Variants in SPATA17 observed in about 807,000 individuals in gnomAD.
SPATA17 encodes spermatogenesis-associated protein 17.
A neutral mutation model predicts 62.2 loss-of-function variants in SPATA17; 53 were observed. That is an observed-to-expected ratio of 0.85 (90% CI 0.68 to 1.07). The LOEUF is 1.07. Among genes scored for constraint, SPATA17 ranks in the 50% least tolerant of loss-of-function variants. The probability of loss-of-function intolerance (pLI) is 0.00; values close to 1 mark genes in which losing one functional copy is unlikely to be tolerated. For synonymous variants in SPATA17, 146 were observed against 146.8 expected (o/e 0.99, Z 0.04); for missense variants, 466 against 425.5 (o/e 1.10, Z -0.84).
chr1:217,840,662 A>G (rs112618826), intron 9 of SPATA17, among the ~76,000 whole-genome samples: 1 of 151,894 alleles, frequency 6.6e-6, no homozygotes, highest in East Asian at 1.9e-4. Flanking sequence ...GTTAGAGACC[A>G]GGCCTGGGCA....
intron 5 of SPATA17, among the ~76,000 whole-genome samples, chr1:217,724,710 T>G (rs1571759918): frequency 6.6e-6 from 1 of 152,212 alleles, no homozygotes; most frequent in Non-Finnish European, 1.5e-5. Flanking sequence ...TAATAATTTC[T>G]AATCTAATAA....
At chr1:217,748,128 C>A (rs1204215805) in intron 6 of SPATA17, among the ~76,000 whole-genome samples, 2 of 151,544 alleles carry the variant, frequency 1.3e-5, no homozygotes, top group Non-Finnish European at 1.5e-5. Flanking sequence ...ACAGTGAAAC[C>A]CCGTCTCTAC....
At chr1:217,679,189 G>T (rs1465218394) in intron 4 of SPATA17, among the ~76,000 whole-genome samples, 1 of 151,998 alleles carries the variant, frequency 6.6e-6, no homozygotes, top group Non-Finnish European at 1.5e-5. Flanking sequence ...TTAAACTAAA[G>T]AACACGCATA....
intron 6 of SPATA17, among the ~76,000 whole-genome samples, chr1:217,760,141 T>C (rs1249801502): frequency 6.6e-6 from 1 of 152,234 alleles, no homozygotes; most frequent in Non-Finnish European, 1.5e-5. Flanking sequence ...ATTTTTGCTC[T>C]AATTACTTTG....
intron 10 of SPATA17, among the ~76,000 whole-genome samples, chr1:217,864,758 C>T (rs899935508): frequency 2.0e-5 from 3 of 152,048 alleles, no homozygotes; most frequent in Non-Finnish European, 2.9e-5. Flanking sequence ...GTTTGCTCTA[C>T]TCTATCAATT....
intron 1 of SPATA17, among the ~76,000 whole-genome samples, chr1:217,644,800 G>T (rs1046893912): frequency 6.6e-6 from 1 of 151,578 alleles, no homozygotes; most frequent in African/African-American, 2.4e-5. Flanking sequence ...TAATACTTTT[G>T]GTCTTTCATC....
chr1:217,705,961 A>G (rs973019309), intron 5 of SPATA17, among the ~76,000 whole-genome samples: 1 of 152,192 alleles, frequency 6.6e-6, no homozygotes, highest in Non-Finnish European at 1.5e-5. Context: ...CAGTTATTCC[A>G]GCACCATTTA....
chr1:217,718,133 A>C (rs944906530), intron 5 of SPATA17, among the ~76,000 whole-genome samples: 1 of 152,246 alleles, frequency 6.6e-6, no homozygotes, highest in Admixed American at 6.5e-5. Context: ...ACATCTAAGC[A>C]TTAAAGAGCT....
rs568915377 is a variant in SPATA17, at chr1:217,869,829, G to A, written c.*2810G>A. 6 of 151,468 alleles carry A rather than the reference G, an allele frequency of 4.0e-5. No individual in the cohort carries two copies. The East Asian group carries it at 1.2e-3, about 30-fold the overall frequency. The allele number at this position is 151,468 out of a possible 1,614,324, so 9.4% of individuals were successfully genotyped here. The stretch of plus-strand genomic sequence containing the variant: ...ACTTTGGAATACCCTTGGCCAAGAA[G>A]AGGGGTCCATGCAGATGTTTGGAGG... On this transcript the variant is annotated 3_prime_UTR_variant, in exon 11 of 11. Coordinates refer to ENST00000366933, the MANE Select transcript of SPATA17 (RefSeq NM_138796.4).
At chr1:217,854,433 C>T (rs1445763843) in intron 9 of SPATA17, among the ~76,000 whole-genome samples, 1 of 152,042 alleles carries the variant, frequency 6.6e-6, no homozygotes, top group Non-Finnish European at 1.5e-5. Flanking sequence ...TAAATCTAGG[C>T]ATTATCTTCC....
chr1:217,696,234 C>T (rs1227663393), intron 5 of SPATA17, among the ~76,000 whole-genome samples: 5 of 152,164 alleles, frequency 3.3e-5, no homozygotes, highest in Admixed American at 1.3e-4. Flanking sequence ...GCGCAATATT[C>T]GGGTGGGAGT....
intron 7 of SPATA17, among the ~76,000 whole-genome samples, chr1:217,779,111 A>G (rs1168915463): frequency 6.6e-6 from 1 of 151,312 alleles, no homozygotes; most frequent in Non-Finnish European, 1.5e-5. Context: ...TATAAGTATA[A>G]AAATAGAAAA....
intron 5 of SPATA17, among the ~76,000 whole-genome samples, chr1:217,727,487 A>G (rs1672295170): frequency 6.6e-6 from 1 of 151,930 alleles, no homozygotes; most frequent in South Asian, 2.1e-4. Context: ...ATAAGATTGT[A>G]TGTTGTAAAT....
At chr1:217,740,208 G>A (rs970336472) in intron 5 of SPATA17, among the ~76,000 whole-genome samples, 1 of 147,850 alleles carries the variant, frequency 6.8e-6, no homozygotes, top group Non-Finnish European at 1.5e-5. Flanking sequence ...ATTATTTATA[G>A]AGCAGAAACT....
intron 4 of SPATA17, among the ~76,000 whole-genome samples, chr1:217,674,588 G>T (rs1327357620): frequency 6.6e-6 from 1 of 152,234 alleles, no homozygotes; most frequent in African/African-American, 2.4e-5. Flanking sequence ...AGCCACTCTA[G>T]GTGTGTTGCC....
At position 217,712,128 on chromosome 1, in the gene SPATA17, C is replaced by CTTTTTTTTTTTTTTTTTTTTT. The variant is rs551988828; in HGVS notation, c.395+28771_395+28772insTTTTTTTTTTTTTTTTTTTTT. Among the ~76,000 whole-genome samples the CTTTTTTTTTTTTTTTTTTTTT allele has an allele frequency of 1.4e-4, 19 of 134,132 alleles. 2 individuals carry two copies. Among genetic ancestry groups the CTTTTTTTTTTTTTTTTTTTTT allele is most frequent in the African/African-American group, 3.4e-4 (12 of 34,990 alleles). 88.0% of individuals were successfully genotyped at this position (134,132 alleles called of 152,430 possible). On this transcript the variant is annotated intron_variant, in intron 5 of 10. Transcript: ENST00000366933. Reference sequence around the variant, plus strand: ...GGACCCTTAAGTTCTACAATATGTTCTTTTGTTTTTTTTTTTTTACGGAGT... The same window carrying CTTTTTTTTTTTTTTTTTTTTT: ...GGACCCTTAAGTTCTACAATATGTTCTTTTTTTTTTTTTTTTTTTTTTTTTGTTTTTTTTTTTTTACGGAGT...
intron 9 of SPATA17, among the ~76,000 whole-genome samples, chr1:217,851,199 G>T (rs1408251930): frequency 1.3e-5 from 2 of 151,976 alleles, no homozygotes; most frequent in Non-Finnish European, 2.9e-5. Context: ...TTTCCTGAGA[G>T]AAATTAACAA....
intron 9 of SPATA17, among the ~76,000 whole-genome samples, chr1:217,852,674 T>G (rs916008204): frequency 6.6e-6 from 1 of 152,142 alleles, no homozygotes; most frequent in African/African-American, 2.4e-5. Context: ...GTTGGAAAAC[T>G]TTCCCCCCCA....
chr1:217,637,499 T>C (rs573736206), intron 1 of SPATA17, among the ~76,000 whole-genome samples: 3 of 152,310 alleles, frequency 2.0e-5, no homozygotes, highest in Admixed American at 1.3e-4. Context: ...TTGCACGTAC[T>C]TCATTACCCT....
Sources: gnomAD v4.1 joint callset for allele counts (sites outside exome capture counted in the v4.1 genomes callset) on GRCh38, gnomAD v4.1.1 for gene constraint, MANE v1.5 for transcripts, NCBI Gene and HGNC (gene_info 2026-07-23, HGNC 2026-07-21) for gene names.